Variants in NHP2 observed in about 807,000 individuals in gnomAD.
NHP2 encodes the protein NHP2 ribonucleoprotein, also known as H/ACA ribonucleoprotein complex subunit 2.
NHP2 carries 10 observed loss-of-function variants against 16.7 expected under a neutral mutation model. The observed-to-expected ratio is 0.60, with a 90% confidence interval of 0.37 to 1.01. NHP2 has a LOEUF of 1.01. Among genes scored for constraint, NHP2 ranks in the 50% least tolerant of loss-of-function variants. The probability of loss-of-function intolerance (pLI) is 0.01; values close to 1 mark genes in which losing one functional copy is unlikely to be tolerated. For missense variants in NHP2, 184 were observed against 198.3 expected, an observed-to-expected ratio of 0.93 and a Z score of 0.43; for synonymous variants, 87 against 78.9, an observed-to-expected ratio of 1.10 and a Z score of -0.54.
At chr5:178,152,555 T>C (rs572942308) in intron 2 of NHP2, among the ~76,000 whole-genome samples, 1 of 152,362 alleles carries the variant, frequency 6.6e-6, no homozygotes, top group South Asian at 2.1e-4. Flanking sequence ...GGAGGCCCTG[T>C]TCTGAAGGAG....
intron 2 of NHP2, 183 bp downstream of exon 2, chr5:178,153,308 T>G (rs1224952395): frequency 1.5e-6 from 1 of 687,690 alleles, no homozygotes; most frequent in Non-Finnish European, 2.7e-6. Context: ...CACTTTGAGC[T>G]GGTATACGTG....
In NHP2 at chr5:178,150,871, G is replaced by A. The variant is rs1427909707; in HGVS notation, c.336+17C>T. The A allele has an allele frequency of 5.2e-6, 8 of 1,536,580 alleles. No homozygotes were observed. The highest frequency in any genetic ancestry group is 7.2e-6 in the Non-Finnish European group (8 of 1,109,314). On this transcript the variant is annotated intron_variant, in intron 3 of 3. Coordinates refer to ENST00000274606, the MANE Select transcript of NHP2 (RefSeq NM_017838.4). Reference sequence around the variant, plus strand: ...ACCCCAGTGCTGAGCAAGGTCAGGGGGCCACGTGCTCCTTACCGTCTTAGA... The same window carrying A: ...ACCCCAGTGCTGAGCAAGGTCAGGGAGCCACGTGCTCCTTACCGTCTTAGA...
At chr5:178,153,419 G>T in intron 2 of NHP2, 72 bp downstream of exon 2, 1 of 1,507,538 alleles carries the variant, frequency 6.6e-7, no homozygotes, top group Non-Finnish European at 9.2e-7. Flanking sequence ...CCTTTTTACT[G>T]CGCGCCTACT....
At chr5:178,150,753 A>C (rs757121378) in intron 3 of NHP2, 135 bp downstream of exon 3, 1 of 778,604 alleles carries the variant, frequency 1.3e-6, no homozygotes, top group South Asian at 1.4e-5. Context: ...AAAACTAAGA[A>C]GATGTGGAGC....
Position 178,153,579 on chromosome 5 carries a change from C to T in NHP2, c.161-19G>A. ...TTCACCGCTGCAACGACAGAAGAGTCGGTCGGGGGCCTCGCTCAGCCACCC... is the reference window on the plus strand; with the variant it reads ...TTCACCGCTGCAACGACAGAAGAGTTGGTCGGGGGCCTCGCTCAGCCACCC... On this transcript the variant is annotated intron_variant, in intron 1 of 3. Transcript: ENST00000274606. 2 of 1,614,092 alleles carry T rather than the reference C, an allele frequency of 1.2e-6. No homozygotes were observed. Among genetic ancestry groups the T allele is most frequent in the South Asian group, 1.1e-5 (1 of 91,088 alleles).
Position 178,149,595 on chromosome 5 carries a change from GCGTGCCTTGGGGAACTGGGAAGATGC to G in NHP2, c.*92_*117del, listed in dbSNP as rs1756206279. ...GCTGTTAGAGCTGCCTGGGAAGAAG[GCGTGCCTTGGGGAACTGGGAAGATGC>G]CGTCAGTGTGGGTGGGCAGGAGGAC... On this transcript the variant is annotated 3_prime_UTR_variant, in exon 4 of 4. Transcript: ENST00000274606. 1 of 1,345,666 alleles carries G rather than the reference GCGTGCCTTGGGGAACTGGGAAGATGC, an allele frequency of 7.4e-7. No individual in the cohort carries two copies. Among genetic ancestry groups the G allele is most frequent in the Non-Finnish European group, 1.0e-6 (1 of 959,604 alleles). 83.4% of individuals were successfully genotyped at this position (1,345,666 alleles called of 1,614,324 possible).
Position 178,150,896 on chromosome 5 carries a change from A to T in NHP2, c.328T>A (p.Ser110Thr), listed in dbSNP as rs780696831. The change falls in exon 3 of 4, where the codon TCT becomes ACT. Residue 110 changes from serine (S) to threonine (T), a missense_variant. Physicochemically the swap from Ser to Thr is moderately conservative, Grantham distance 58 (BLOSUM62 1). Transcript: ENST00000274606. ...GGCCACGTGCTCCTTACCGTCTTAG[A>T]GGGGATATAGACATAGGGCAAATTT... ...DRNLPYVYIP[S>T]KTDLGAAAGS... The T allele has an allele frequency of 3.4e-5, 55 of 1,610,800 alleles. 2 individuals carry two copies. The highest frequency in any genetic ancestry group is 3.3e-4 in the Middle Eastern group (2 of 6,052).
chr5:178,153,609 A>C (rs1004416605), intron 1 of NHP2, 49 bp from the exon 2 acceptor site: 1 of 1,613,276 alleles, frequency 6.2e-7, no homozygotes, highest in Non-Finnish European at 8.5e-7. Flanking sequence ...CCACCCGCGC[A>C]CCCATCCCAC....
chr5:178,152,827 C>T (rs1470530928), intron 2 of NHP2, among the ~76,000 whole-genome samples: 1 of 152,216 alleles, frequency 6.6e-6, no homozygotes, highest in Non-Finnish European at 1.5e-5. Context: ...TGGCTCATGC[C>T]TGTAATCCCA....
Position 178,150,981 on chromosome 5 carries a change from C to T in NHP2, c.243G>A (p.Leu81=). The change falls in exon 3 of 4, where the codon TTG becomes TTA. Residue 81 remains leucine, a synonymous_variant. Transcript: ENST00000274606. The part of the protein sequence containing the change: ...VNKGEKGIMV[L]AGDTLPIEVY... ...CCTCAATGGGCAGTGTGTCTCCTGC[C>T]AAAACCATGATCCTGAAATGAGAGA... The T allele has an allele frequency of 6.2e-7, 1 of 1,613,376 alleles. No individual in the cohort carries two copies. Among genetic ancestry groups the T allele is most frequent in the Non-Finnish European group, 8.5e-7 (1 of 1,179,720 alleles).
rs1177804426 is a variant in NHP2, at chr5:178,150,959, C to T, written c.265G>A (p.Glu89Lys). 2.5e-6 allele frequency: 4 copies of T among 1,613,976 alleles called. No homozygotes were observed. Among genetic ancestry groups the T allele is most frequent in the East Asian group, 2.2e-5 (1 of 44,874 alleles). ...MVLAGDTLPI[E>K]VYCHLPVMCE... ...ATGACTGGGAGATGGCAGTATACCTCAATGGGCAGTGTGTCTCCTGCCAAA... is the reference window on the plus strand; with the variant it reads ...ATGACTGGGAGATGGCAGTATACCTTAATGGGCAGTGTGTCTCCTGCCAAA... Residue 89 changes from glutamate to lysine, a missense_variant, in exon 3 of 4, where the codon GAG (glutamate) becomes AAG (lysine). Coordinates refer to ENST00000274606, the MANE Select transcript of NHP2 (RefSeq NM_017838.4).
intron 3 of NHP2, chr5:178,150,130 GC>G: frequency 2.9e-6 from 1 of 339,050 alleles, no homozygotes; most frequent in South Asian, 3.3e-5. Flanking sequence ...CTCAGATCTG[GC>G]CCCTGTTACG....
chr5:178,149,673 T>A lies in NHP2; in HGVS notation c.*40A>T. ...GCCAGTCGTCCTGCTGCCAGCCCAA[T>A]AGCTTCCAGCGGCAGGTGCCCAGGT... On this transcript the variant is annotated 3_prime_UTR_variant, in exon 4 of 4. Transcript: ENST00000274606. The A allele has an allele frequency of 1.2e-6, 2 of 1,611,856 alleles. No individual in the cohort carries two copies. The highest frequency in any genetic ancestry group is 1.7e-6 in the Non-Finnish European group (2 of 1,179,542).
chr5:178,151,306 G>C (rs1001252810), intron 2 of NHP2, among the ~76,000 whole-genome samples: 1 of 152,210 alleles, frequency 6.6e-6, no homozygotes, highest in Non-Finnish European at 1.5e-5. Context: ...GCCCACGGAG[G>C]GGCTGGGGCG....
At position 178,153,459 on chromosome 5, in the gene NHP2, A is replaced by C. The variant is rs762724011; in HGVS notation, c.230+32T>G. Reference sequence around the variant, plus strand: ...AGAGATTTCTCCGTTAACGTTTAGAAATGCAAAATCCAGAGGAAGGAAGGT... The same window carrying C: ...AGAGATTTCTCCGTTAACGTTTAGACATGCAAAATCCAGAGGAAGGAAGGT... On this transcript the variant is annotated intron_variant, in intron 2 of 3. Transcript: ENST00000274606. 3 of 1,610,552 alleles carry C rather than the reference A, an allele frequency of 1.9e-6. No homozygotes were observed. In the Admixed American group the frequency reaches 5.0e-5, roughly 27 times the overall value.
chr5:178,151,150 C>A (rs778602717), intron 2 of NHP2, among the ~76,000 whole-genome samples, 157 bp from the exon 3 acceptor site: 9 of 152,170 alleles, frequency 5.9e-5, no homozygotes, highest in Non-Finnish European at 1.2e-4. Flanking sequence ...ATACAGGTGC[C>A]ACCAAAGTGA....
chr5:178,153,267 T>TCTTAACGTTTAGAAA, intron 2 of NHP2: 1 of 624,048 alleles, frequency 1.6e-6, no homozygotes, highest in Non-Finnish European at 2.9e-6. Flanking sequence ...CTAAGGGACT[T>TCTTAACGTTTAGAAA]TGCTTACACA....
chr5:178,153,483 G>T lies in NHP2; in HGVS notation c.230+8C>A, dbSNP rs764940566. ...AAATGCAAAATCCAGAGGAAGGAAG[G>T]TTCTTACCCTTTTTCTCCTTTGTTG... On this transcript the variant is annotated splice_region_variant and intron_variant, in intron 2 of 3. Transcript: ENST00000274606. The T allele has an allele frequency of 6.1e-5, 99 of 1,613,840 alleles. No homozygotes were observed. The highest frequency in any genetic ancestry group is 8.1e-5 in the Non-Finnish European group (95 of 1,179,856).
chr5:178,153,547 C>G lies in NHP2; in HGVS notation c.174G>C (p.Lys58Asn). The G allele has an allele frequency of 6.2e-7, 1 of 1,614,256 alleles. No homozygotes were observed. Among genetic ancestry groups the G allele is most frequent in the Non-Finnish European group, 8.5e-7 (1 of 1,180,038 alleles). The change falls in exon 2 of 4, where the codon AAG becomes AAC. Residue 58 changes from lysine (K) to asparagine (N), a missense_variant. Transcript: ENST00000274606. ...YKCIKKAVKQKQIRRGVKEVQ... is the reference protein window; with the variant it reads ...YKCIKKAVKQNQIRRGVKEVQ... ...CCTCTTTCACCCCGCGCCGAATCTG[C>G]TTCTGCTTCACCGCTGCAACGACAG...
Sources: allele counts gnomAD v4.1 joint callset (sites outside exome capture counted in the v4.1 genomes callset), GRCh38; gene constraint gnomAD v4.1.1; transcripts MANE v1.5; gene names NCBI Gene and HGNC (gene_info 2026-07-23, HGNC 2026-07-21).